COCH: variants seen among roughly 807,000 people sequenced by gnomAD.
COCH encodes the protein cochlin, also known as coagulation factor C homolog, cochlin (Limulus polyphemus).
COCH carries 40 observed loss-of-function variants against 54.8 expected under a neutral mutation model. The ratio of observed to expected loss-of-function variants is 0.73; its 90% CI spans 0.57 to 0.95. The LOEUF is 0.95. COCH is among the 40% of genes least tolerant of loss of function. The pLI is 0.00. For missense variants in COCH, 605 were observed against 675.0 expected (o/e 0.90, Z 1.15); for synonymous variants, 256 against 237.9 (o/e 1.08, Z -0.70).
At chr14:30,881,299 G>A (rs530713464) in intron 8 of COCH, among the ~76,000 whole-genome samples, 1 of 152,072 alleles carries the variant, frequency 6.6e-6, no homozygotes, top group Admixed American at 6.5e-5. Flanking sequence ...TCTTTTAGTG[G>A]GTACATGTCA....
At chr14:30,894,627 T>C (rs1392399393), downstream of COCH, 1 of 156,702 alleles carries the variant, frequency 6.4e-6, no homozygotes, top group Non-Finnish European at 1.4e-5. Flanking sequence ...TATGAAGACA[T>C]TTATGTGATG....
intron 9 of COCH, chr14:30,885,157 G>A: frequency 1.5e-6 from 2 of 1,351,052 alleles, no homozygotes; most frequent in South Asian, 2.7e-5. Flanking sequence ...CTTCTAGGAG[G>A]TGGAGGGGGA....
intron 6 of COCH, 59 bp from the exon 7 acceptor site, chr14:30,880,393 G>A: frequency 6.2e-7 from 1 of 1,603,240 alleles, no homozygotes; most frequent in East Asian, 2.3e-5. Flanking sequence ...TCCCCATGTG[G>A]GTTTCTTGCT....
At chr14:30,894,907 TTA>T (rs1555313201), downstream of COCH, 11 of 1,082,120 alleles carry the variant, frequency 1.0e-5, no homozygotes, top group East Asian at 6.6e-5. Flanking sequence ...TTTTTTTTTT[TTA>T]AAGCAAAATA....
At chr14:30,895,266 T>G (rs141869629), downstream of COCH, 89 of 808,302 alleles carry the variant, frequency 1.1e-4, no homozygotes, top group African/African-American at 1.3e-3. Flanking sequence ...CATTAAGATG[T>G]GATTTCCACC....
chr14:30,883,373 A>G (rs1173384076), intron 8 of COCH, among the ~76,000 whole-genome samples: 2 of 152,246 alleles, frequency 1.3e-5, no homozygotes, highest in African/African-American at 4.8e-5. Flanking sequence ...GTAGACTCAT[A>G]CAAAGTTTTG....
Position 30,880,582 on chromosome 14 carries a change from C to T in COCH, c.482-5C>T, listed in dbSNP as rs771622071. Reference sequence around the variant, plus strand: ...TAATGAGGGGACTGGTTTGGTTGTTCGCAGATTGTAAAGCAGACATTGCAT... The same window carrying T: ...TAATGAGGGGACTGGTTTGGTTGTTTGCAGATTGTAAAGCAGACATTGCAT... On this transcript the variant is annotated splice_region_variant and splice_polypyrimidine_tract_variant and intron_variant, in intron 7 of 11. Transcript: ENST00000396618. 1.4e-5 allele frequency: 23 copies of T among 1,613,868 alleles called. No homozygotes were observed. The highest frequency in any genetic ancestry group is 1.1e-4 in the African/African-American group (8 of 74,870).
intron 4 of COCH, among the ~76,000 whole-genome samples, chr14:30,878,205 T>G (rs1452010199): frequency 6.6e-6 from 1 of 152,244 alleles, no homozygotes; most frequent in African/African-American, 2.4e-5. Context: ...CAAAGGCATG[T>G]AGCTAAAGTG....
chr14:30,878,416 T>C (rs1417100169), intron 4 of COCH, among the ~76,000 whole-genome samples: 5 of 152,152 alleles, frequency 3.3e-5, no homozygotes, highest in Admixed American at 6.6e-5. Context: ...ATCCCACCAC[T>C]TTGGGAGGCT....
intron 11 of COCH, 70 bp from the exon 12 acceptor site, chr14:30,889,546 A>G (rs1035427348): frequency 2.2e-6 from 3 of 1,364,108 alleles, no homozygotes; most frequent in Non-Finnish European, 3.1e-6. Context: ...TGTATGGAAA[A>G]CATATAGACA....
At chr14:30,879,030 T>G (rs796103256) in intron 5 of COCH, 86 bp downstream of exon 5, 1 of 1,549,432 alleles carries the variant, frequency 6.5e-7, no homozygotes, top group East Asian at 2.2e-5. Context: ...TCTTTAACCT[T>G]GATGGAAAAA....
chr14:30,875,103 G>A lies in COCH; in HGVS notation c.82G>A (p.Ala28Thr), dbSNP rs753980212. The A allele has an allele frequency of 2.6e-6, 4 of 1,565,484 alleles. No homozygotes were observed. The highest frequency in any genetic ancestry group is 4.7e-5 in the East Asian group (2 of 42,222). ...GGGGCCCGCGGGCAGCGAGGGAGCC[G>A]GTGAGTGGGGGAGCTGGGGTGCGTC... Reference protein sequence around the residue: ...LPGPAGSEGAAPIAITCFTRG... With the variant: ...LPGPAGSEGATPIAITCFTRG... Residue 28 changes from alanine to threonine, a missense_variant and splice_region_variant, in exon 3 of 12, where the codon GCT becomes ACT. Physicochemically the swap from Ala to Thr is moderately conservative, Grantham distance 58. Coordinates refer to ENST00000396618, the MANE Select transcript of COCH (RefSeq NM_004086.3).
Position 30,875,049 on chromosome 14 carries a change from T to C in COCH, c.35-7T>C, listed in dbSNP as rs768315712. The C allele has an allele frequency of 3.1e-6, 5 of 1,611,194 alleles. No individual in the cohort carries two copies. In the African/African-American group the frequency reaches 6.7e-5, roughly 22 times the overall value. On this transcript the variant is annotated splice_polypyrimidine_tract_variant and splice_region_variant and intron_variant, in intron 2 of 11. Coordinates refer to ENST00000396618, the MANE Select transcript of COCH (RefSeq NM_004086.3). ...TGGAGCCAGCCCTCACGCTTCTCTC[T>C]TCGCAGGTGTGTGTCTGCTGCTGCT...
intron 11 of COCH, among the ~76,000 whole-genome samples, chr14:30,888,578 TC>T (rs746786723): frequency 4.6e-5 from 7 of 152,136 alleles, no homozygotes; most frequent in Admixed American, 2.0e-4. Flanking sequence ...GCCCTGGAGT[TC>T]GAGATGAGAC....
intron 11 of COCH, among the ~76,000 whole-genome samples, chr14:30,887,666 T>C (rs1183300182): frequency 6.6e-6 from 1 of 152,188 alleles, no homozygotes; most frequent in Non-Finnish European, 1.5e-5. Flanking sequence ...CACTCTTCTG[T>C]ACCTCATTTT....
At position 30,875,120 on chromosome 14, in the gene COCH, G is replaced by C. The variant is rs374952450; in HGVS notation, c.82+17G>C. Reference sequence around the variant, plus strand: ...AGGGAGCCGGTGAGTGGGGGAGCTGGGGTGCGTCCAGGCGGTCGCAGGGGC... The same window carrying C: ...AGGGAGCCGGTGAGTGGGGGAGCTGCGGTGCGTCCAGGCGGTCGCAGGGGC... On this transcript the variant is annotated intron_variant, in intron 3 of 11. Transcript: ENST00000396618. 46 of 1,555,412 alleles carry C rather than the reference G, an allele frequency of 3.0e-5. No homozygotes were observed. The African/African-American group carries it at 5.7e-4, about 19-fold the overall frequency.
In COCH at chr14:30,885,480, A is replaced by G. The variant is rs1895754459; in HGVS notation, c.820A>G (p.Ile274Val). The change falls in exon 10 of 12, where the codon ATT becomes GTT. Residue 274 changes from isoleucine (I) to valine (V), a missense_variant. Physicochemically the swap from Ile to Val is conservative, Grantham distance 29. Transcript: ENST00000396618. ...KGIPKVVVVFIDGWPSDDIEE... is the reference protein window; with the variant it reads ...KGIPKVVVVFVDGWPSDDIEE... ...GATCCCCAAAGTGGTGGTGGTATTTATTGATGGTTGGCCTTCTGATGACAT... is the reference window on the plus strand; with the variant it reads ...GATCCCCAAAGTGGTGGTGGTATTTGTTGATGGTTGGCCTTCTGATGACAT... 1 of 1,613,912 alleles carries G rather than the reference A, an allele frequency of 6.2e-7. No homozygotes were observed. Among genetic ancestry groups the G allele is most frequent in the African/African-American group, 1.3e-5 (1 of 74,904 alleles).
rs2138899410 is a variant in COCH, at chr14:30,890,000, C to G, written c.*209C>G. 1 of 1,277,566 alleles carries G rather than the reference C, an allele frequency of 7.8e-7. No homozygotes were observed. Among genetic ancestry groups the G allele is most frequent in the Non-Finnish European group, 9.9e-7 (1 of 1,009,060 alleles). 79.1% of individuals were successfully genotyped at this position (1,277,566 alleles called of 1,614,324 possible). ...TACTTTGTTAAAAACACTGCTGAGGCTTCATAATCATGGCTCTTAGAAACT... is the reference window on the plus strand; with the variant it reads ...TACTTTGTTAAAAACACTGCTGAGGGTTCATAATCATGGCTCTTAGAAACT... On this transcript the variant is annotated 3_prime_UTR_variant, in exon 12 of 12. Transcript: ENST00000396618.
downstream of COCH, among the ~76,000 whole-genome samples, chr14:30,893,206 C>T (rs1215977992): frequency 1.4e-5 from 2 of 138,302 alleles, no homozygotes; most frequent in Non-Finnish European, 3.0e-5. Flanking sequence ...GGCTGGAGTG[C>T]AGTGGCGTGA....
Sources: allele counts gnomAD v4.1 joint callset (sites outside exome capture counted in the v4.1 genomes callset), GRCh38; gene constraint gnomAD v4.1.1; transcripts MANE v1.5; gene names NCBI Gene and HGNC (gene_info 2026-07-23, HGNC 2026-07-21).